CDC14A: variants seen among roughly 807,000 people sequenced by gnomAD.
CDC14A encodes the protein cell division cycle 14A.
In CDC14A, 53 loss-of-function variants were observed where a neutral mutation model predicts 74.4. The ratio of observed to expected loss-of-function variants is 0.71; its 90% CI spans 0.57 to 0.89. The LOEUF (loss-of-function observed/expected upper bound fraction) is 0.89, where lower values mean the gene tolerates loss of function less well. Ranked by LOEUF, CDC14A falls within the 40% of genes least tolerant of loss-of-function variation. The pLI is 0.00. For synonymous variants in CDC14A, 247 were observed against 258.4 expected (o/e 0.96, Z 0.43); for missense variants, 646 against 713.7 (o/e 0.91, Z 1.08).
At chr1:100,475,261 T>C (rs1284501652) in intron 10 of CDC14A, among the ~76,000 whole-genome samples, 1 of 152,256 alleles carries the variant, frequency 6.6e-6, no homozygotes, top group African/African-American at 2.4e-5. Context: ...GTTTTCTTTA[T>C]ATCTATTTCT....
At chr1:100,464,999 C>T (rs1429012436) in intron 9 of CDC14A, among the ~76,000 whole-genome samples, 3 of 151,120 alleles carry the variant, frequency 2.0e-5, no homozygotes, top group Non-Finnish European at 2.9e-5. Context: ...GATCTCAGCT[C>T]ACTGCAGCCT....
chr1:100,401,549 T>C (rs1194734033), intron 4 of CDC14A, among the ~76,000 whole-genome samples: 1 of 152,226 alleles, frequency 6.6e-6, no homozygotes, highest in Non-Finnish European at 1.5e-5. Context: ...AGAACTGAAA[T>C]GGGCTTTGTT....
At chr1:100,356,712 G>C (rs774284824) in intron 2 of CDC14A, among the ~76,000 whole-genome samples, 12 of 151,912 alleles carry the variant, frequency 7.9e-5, no homozygotes, top group Admixed American at 2.0e-4. Context: ...AAATTAGCTG[G>C]GCATGGTGGC....
chr1:100,509,431 A>C (rs1218532511), intron 15 of CDC14A, among the ~76,000 whole-genome samples: 3 of 152,204 alleles, frequency 2.0e-5, no homozygotes, highest in African/African-American at 7.2e-5. Context: ...TCTCCAAAGC[A>C]TCTGGCATTG....
rs769091089 is a variant in CDC14A at position 100,455,497 on chromosome 1, G to GT, written c.607+14dup. 1.2e-3 allele frequency: 1,834 copies of GT among 1,510,800 alleles called. No individual in the cohort carries two copies. The highest frequency in any genetic ancestry group is 4.7e-3 in the Middle Eastern group (27 of 5,778). The allele number at this position is 1,510,800 out of a possible 1,614,324, so 93.6% of individuals were successfully genotyped here. A position where few individuals can be genotyped will look rare whatever the true frequency, so the allele number is the denominator to read the frequency against. On this transcript the variant is annotated splice_donor_region_variant and intron_variant, in intron 8 of 15. Coordinates refer to ENST00000336454, the MANE Select transcript of CDC14A (RefSeq NM_003672.4). ...CTAAAAGCAAAATTGAGAATGGTAG[G>GT]TTTTTTTTTCCTTTACCATCCAAAC...
rs1244043264 is a variant in CDC14A, at chr1:100,412,731, ATATATATTT to A, written c.310-11483_310-11475del. Among the ~76,000 whole-genome samples, 6 of 110,758 alleles carry A rather than the reference ATATATATTT, an allele frequency of 5.4e-5. No homozygotes were observed. The East Asian group carries it at 9.2e-4, about 17-fold the overall frequency. 72.7% of individuals were successfully genotyped at this position (110,758 alleles called of 152,430 possible). A position where few individuals can be genotyped will look rare whatever the true frequency, so the allele number is the denominator to read the frequency against. ...ATATATATATATATATATTTTATAT[ATATATATTT>A]TATATATATATATTTTATATATATA... On this transcript the variant is annotated intron_variant, in intron 4 of 15. Coordinates refer to ENST00000336454, the MANE Select transcript of CDC14A (RefSeq NM_003672.4).
intron 2 of CDC14A, among the ~76,000 whole-genome samples, chr1:100,359,001 CAT>C (rs1272700189): frequency 2.0e-5 from 3 of 152,198 alleles, no homozygotes; most frequent in Non-Finnish European, 4.4e-5. Flanking sequence ...CATATACACA[CAT>C]ACACATATAT....
chr1:100,388,673 C>T (rs1657210602), intron 3 of CDC14A, among the ~76,000 whole-genome samples: 2 of 152,118 alleles, frequency 1.3e-5, no homozygotes, highest in African/African-American at 4.8e-5. Flanking sequence ...GTGGTGTGAT[C>T]ATGGCTCACT....
chr1:100,455,447 T>C lies in CDC14A; in HGVS notation c.562T>C (p.Phe188Leu). The C allele has an allele frequency of 6.2e-7, 1 of 1,601,802 alleles. No individual in the cohort carries two copies. Among genetic ancestry groups the C allele is most frequent in the Non-Finnish European group, 8.5e-7 (1 of 1,176,592 alleles). ...GDFNWIVPGKFLAFSGPHPKS... is the reference protein window; with the variant it reads ...GDFNWIVPGKLLAFSGPHPKS... The stretch of plus-strand genomic sequence containing the variant: ...CTTCAACTGGATTGTTCCAGGAAAA[T>C]TTTTAGCATTTAGTGGACCACATCC... Residue 188 changes from phenylalanine (F) to leucine (L), a missense_variant, in exon 8 of 16, where the codon TTT becomes CTT. Phe to Leu is a conservative substitution (Grantham distance 22, BLOSUM62 0). Coordinates refer to ENST00000336454, the MANE Select transcript of CDC14A (RefSeq NM_003672.4).
At chr1:100,485,226 T>C in intron 11 of CDC14A, 2 of 985,318 alleles carry the variant, frequency 2.0e-6, no homozygotes, top group Non-Finnish European at 2.4e-6. Flanking sequence ...CCCAGAAAAT[T>C]TGTGATTTGT....
chr1:100,412,712 A>ATATATATTT (rs1660922038), intron 4 of CDC14A, among the ~76,000 whole-genome samples: 1 of 102,464 alleles, frequency 9.8e-6, no homozygotes, highest in African/African-American at 6.1e-5. Flanking sequence ...ATATATATAT[A>ATATATATTT]TATATATATA....
At chr1:100,500,315 C>A (rs901796372) in intron 15 of CDC14A, among the ~76,000 whole-genome samples, 2 of 152,128 alleles carry the variant, frequency 1.3e-5, no homozygotes, top group East Asian at 3.9e-4. Flanking sequence ...ATTTCCTCAG[C>A]CATCATCTAG....
chr1:100,486,353 G>A (rs1670012824), intron 11 of CDC14A, among the ~76,000 whole-genome samples: 1 of 152,186 alleles, frequency 6.6e-6, no homozygotes, highest in South Asian at 2.1e-4. Flanking sequence ...GTGAGGGTAA[G>A]GAATGCAATA....
At position 100,357,418 on chromosome 1, in the gene CDC14A, T is replaced by C. The variant is rs148166198; in HGVS notation, c.140+3566T>C. Among the ~76,000 whole-genome samples, 80 of 152,116 alleles carry C rather than the reference T, an allele frequency of 5.3e-4. 1 individual carries two copies. The highest frequency in any genetic ancestry group is 1.8e-3 in the African/African-American group (76 of 41,508). On this transcript the variant is annotated intron_variant, in intron 2 of 15. Transcript: ENST00000336454. ...TCGTCAGCTCCACTTTGGGGAAGTA[T>C]AGAATGAGAGAGACTGCAAAGCCCC...
At chr1:100,383,118 G>C (rs1338879478) in intron 3 of CDC14A, among the ~76,000 whole-genome samples, 1 of 152,116 alleles carries the variant, frequency 6.6e-6, no homozygotes, top group Non-Finnish European at 1.5e-5. Context: ...AGGTTCTAGG[G>C]GCTCCAAAGC....
At chr1:100,380,733 C>T (rs1655987480) in intron 3 of CDC14A, among the ~76,000 whole-genome samples, 1 of 152,118 alleles carries the variant, frequency 6.6e-6, no homozygotes, top group Non-Finnish European at 1.5e-5. Context: ...CAGCTCTCAC[C>T]CTTGTTGTTT....
intron 3 of CDC14A, among the ~76,000 whole-genome samples, chr1:100,382,784 CA>C (rs1263823972): frequency 6.6e-6 from 1 of 152,124 alleles, no homozygotes; most frequent in East Asian, 1.9e-4. Flanking sequence ...ATAGCCCTTT[CA>C]GGGTAAAAGG....
upstream of CDC14A, among the ~76,000 whole-genome samples, chr1:100,351,043 A>C (rs1045872376): frequency 6.6e-5 from 10 of 152,262 alleles, no homozygotes; most frequent in Admixed American, 2.6e-4. Flanking sequence ...AAAATACAAA[A>C]ATTAGCCGGG....
At chr1:100,505,297 T>C (rs1390029569) in intron 15 of CDC14A, among the ~76,000 whole-genome samples, 2 of 100,090 alleles carry the variant, frequency 2.0e-5, no homozygotes, top group African/African-American at 6.6e-5. Context: ...TGGTTAATGC[T>C]GCTCTTTGGT....
Sources: gnomAD v4.1 joint callset for allele counts (sites outside exome capture counted in the v4.1 genomes callset) on GRCh38, gnomAD v4.1.1 for gene constraint, MANE v1.5 for transcripts, NCBI Gene and HGNC (gene_info 2026-07-23, HGNC 2026-07-21) for gene names.